SLC5A10: variants seen among roughly 807,000 people sequenced by gnomAD.
SLC5A10 encodes sodium/mannose cotransporter SLC5A10.
Under a neutral mutation model 68.9 loss-of-function variants are expected in SLC5A10, and 55 were observed. The ratio of observed to expected loss-of-function variants is 0.80; its 90% CI spans 0.64 to 1.00. SLC5A10 has a LOEUF of 1.00. SLC5A10 is among the 50% of genes least tolerant of loss of function. The pLI, the probability that SLC5A10 is intolerant of heterozygous loss-of-function variation, is 0.00. For missense variants in SLC5A10, 732 were observed against 819.3 expected, an observed-to-expected ratio of 0.89 and a Z score of 1.30; for synonymous variants, 344 against 344.8, an observed-to-expected ratio of 1.00 and a Z score of 0.02.
chr17:19,020,861 T>C lies in SLC5A10; in HGVS notation c.*430T>C. On this transcript the variant is annotated 3_prime_UTR_variant, in exon 15 of 15. Transcript: ENST00000395645. ...GACTGCAGCCACCTCCAAGGGCTCC[T>C]CCCTCCACCCACCGGCTCCCAAATG... The C allele has an allele frequency of 6.0e-6, 1 of 166,924 alleles. No homozygotes were observed. The highest frequency in any genetic ancestry group is 1.3e-5 in the Non-Finnish European group (1 of 76,312). The allele number at this position is 166,924 out of a possible 1,614,324, so 10.3% of individuals were successfully genotyped here. A position where few individuals can be genotyped will look rare whatever the true frequency, so the allele number is the denominator to read the frequency against.
chr17:19,015,403 G>C, intron 11 of SLC5A10, among the ~76,000 whole-genome samples: 1 of 152,078 alleles, frequency 6.6e-6, no homozygotes. Flanking sequence ...CCCTCATCTG[G>C]GATGCATCTC....
intron 1 of SLC5A10, among the ~76,000 whole-genome samples, chr17:18,956,465 G>GTTTTTTGT (rs2042504005): frequency 1.0e-5 from 1 of 98,010 alleles, no homozygotes; most frequent in Non-Finnish European, 2.0e-5. Flanking sequence ...TTTTCTTTCT[G>GTTTTTTGT]TTTTTTTTTT....
In SLC5A10 at chr17:19,019,601, G is replaced by T. The variant is rs753196215; in HGVS notation, c.1410+10G>T. ...ACGTGCCAACGAGCAGGTGGGCGTCGGCGGTCTGCTCTCCCTGGGGACGTG... is the reference window on the plus strand; with the variant it reads ...ACGTGCCAACGAGCAGGTGGGCGTCTGCGGTCTGCTCTCCCTGGGGACGTG... On this transcript the variant is annotated intron_variant, in intron 12 of 14. Transcript: ENST00000395645. 2 of 1,610,084 alleles carry T rather than the reference G, an allele frequency of 1.2e-6. No individual in the cohort carries two copies. Among genetic ancestry groups the T allele is most frequent in the Non-Finnish European group, 1.7e-6 (2 of 1,179,578 alleles).
At chr17:18,990,968 C>A (rs2043407201) in intron 9 of SLC5A10, among the ~76,000 whole-genome samples, 1 of 152,228 alleles carries the variant, frequency 6.6e-6, no homozygotes, top group Non-Finnish European at 1.5e-5. Context: ...AGAGCACCTT[C>A]TGCACAAGAG....
rs748003428 is a variant in SLC5A10, at chr17:18,960,556, C to A, written c.357C>A (p.Thr119=). The A allele has an allele frequency of 9.9e-6, 16 of 1,613,996 alleles. No homozygotes were observed. The highest frequency in any genetic ancestry group is 1.0e-5 in the Non-Finnish European group (12 of 1,179,976). Residue 119 remains threonine (T), a synonymous_variant, in exon 5 of 15, where the codon ACC becomes ACA. Coordinates refer to ENST00000395645, the MANE Select transcript of SLC5A10 (RefSeq NM_001042450.4). ...CCCATGTGCCTTCCCAGATCGTCAC[C>A]TTACCTGAGTACATTCAGAAGCGCT... ...VPIYISSEIV[T]LPEYIQKRYG...
chr17:18,953,656 T>C (rs1416202272), intron 1 of SLC5A10: 1 of 152,554 alleles, frequency 6.6e-6, no homozygotes, highest in Non-Finnish European at 1.5e-5. Context: ...TGGTGGCAGT[T>C]GTAGCAGTGG....
intron 11 of SLC5A10, chr17:19,019,147 T>A: frequency 2.3e-6 from 1 of 428,404 alleles, no homozygotes; most frequent in Non-Finnish European, 4.1e-6. Context: ...ATGGCGGAGC[T>A]CCAAGGGCTG....
At chr17:18,973,404 C>T (rs751675525) in intron 8 of SLC5A10, among the ~76,000 whole-genome samples, 50 of 152,350 alleles carry the variant, frequency 3.3e-4, no homozygotes, top group Middle Eastern at 3.4e-3. Context: ...CTGCTGACCC[C>T]AGGTGGTTCA....
Position 18,971,750 on chromosome 17 carries a change from T to C in SLC5A10, c.846+532T>C. The C allele has an allele frequency of 6.4e-7, 1 of 1,556,496 alleles. No individual in the cohort carries two copies. Among genetic ancestry groups the C allele is most frequent in the Non-Finnish European group, 8.7e-7 (1 of 1,149,420 alleles). On this transcript the variant is annotated intron_variant, in intron 8 of 14. Coordinates refer to ENST00000395645, the MANE Select transcript of SLC5A10 (RefSeq NM_001042450.4). The surrounding 1 kb of genome is among the most constrained non-coding windows in gnomAD (Gnocchi z 5.5). ...CCTGTGATGATGAAACTGCTGGCCC[T>C]GGGAGAGAGAGAGCAGAGAGTGAGG...
In SLC5A10 at chr17:19,018,513, G is replaced by A. The variant is rs936207027; in HGVS notation, c.1242-910G>A. 2.0e-5 allele frequency: 3 copies of A among 152,342 alleles called. No individual in the cohort carries two copies. Among genetic ancestry groups the A allele is most frequent in the African/African-American group, 7.2e-5 (3 of 41,452 alleles). 9.4% of individuals were successfully genotyped at this position (152,342 alleles called of 1,614,324 possible). On this transcript the variant is annotated intron_variant, in intron 11 of 14. Transcript: ENST00000395645. This position sits in a 1 kb window ranked among gnomAD's most constrained non-coding sequence, Gnocchi z 4.2. ...ACTCTGAGTGCTGGGCAGGCACCAG[G>A]TCCCACTCATCGCCGAGTTGGGGAT...
chr17:18,967,108 A>G (rs534582499), intron 5 of SLC5A10, among the ~76,000 whole-genome samples: 1 of 152,310 alleles, frequency 6.6e-6, no homozygotes, highest in East Asian at 1.9e-4. Context: ...GGCTGCAGGA[A>G]GGGTCGGATA....
chr17:19,015,877 C>T (rs894795691), intron 11 of SLC5A10, among the ~76,000 whole-genome samples: 1 of 152,190 alleles, frequency 6.6e-6, no homozygotes, highest in Non-Finnish European at 1.5e-5. Context: ...AGGACCGGGG[C>T]TGTGTCTGGA....
rs1485347402 is a variant in SLC5A10 at position 19,017,234 on chromosome 17, C to T, written c.1241+2035C>T. ...GCCAGCTGGATAGAGCAGAAAGGGC[C>T]CCGTGCCAGGTGTCAGGCTGGCCAG... is the stretch of plus-strand genomic sequence containing the variant. On this transcript the variant is annotated intron_variant, in intron 11 of 14. Coordinates refer to ENST00000395645, the MANE Select transcript of SLC5A10 (RefSeq NM_001042450.4). This position sits in a 1 kb window ranked among gnomAD's most constrained non-coding sequence, Gnocchi z 5.6. 6 of 1,501,354 alleles carry T rather than the reference C, an allele frequency of 4.0e-6. No individual in the cohort carries two copies. The highest frequency in any genetic ancestry group is 5.4e-6 in the Non-Finnish European group (6 of 1,102,022). The allele number at this position is 1,501,354 out of a possible 1,614,324, so 93.0% of individuals were successfully genotyped here.
chr17:19,015,736 C>T (rs2044126412), intron 11 of SLC5A10, among the ~76,000 whole-genome samples: 1 of 152,222 alleles, frequency 6.6e-6, no homozygotes, highest in Non-Finnish European at 1.5e-5. Flanking sequence ...CTGAGACCCT[C>T]AACCAAGGAA....
intron 10 of SLC5A10, among the ~76,000 whole-genome samples, 197 bp from the exon 11 acceptor site, chr17:19,014,852 T>C (rs890622642): frequency 3.9e-5 from 6 of 152,132 alleles, no homozygotes; most frequent in Non-Finnish European, 8.8e-5. Context: ...TCCCCACGGT[T>C]TGTCCTTGGC....
chr17:18,966,003 G>C (rs545453969), intron 5 of SLC5A10, among the ~76,000 whole-genome samples: 1 of 152,350 alleles, frequency 6.6e-6, no homozygotes, highest in East Asian at 1.9e-4. Context: ...AGACCTGAAA[G>C]ACATCAGGGC....
intron 10 of SLC5A10, among the ~76,000 whole-genome samples, chr17:19,013,824 C>T (rs2044073797): frequency 6.6e-6 from 1 of 151,970 alleles, no homozygotes; most frequent in Non-Finnish European, 1.5e-5. Flanking sequence ...ACTCGCTAAG[C>T]CCTCCAGGGC....
At chr17:19,009,112 CAGTCTCAG>C (rs1050448517) in intron 9 of SLC5A10, among the ~76,000 whole-genome samples, 8 of 151,974 alleles carry the variant, frequency 5.3e-5, no homozygotes, top group African/African-American at 1.9e-4. Flanking sequence ...CGTTCCTGGC[CAGTCTCAG>C]AGATCTTAAT....
At chr17:18,991,460 G>A (rs2043422583) in intron 9 of SLC5A10, among the ~76,000 whole-genome samples, 2 of 152,208 alleles carry the variant, frequency 1.3e-5, no homozygotes, top group Admixed American at 1.3e-4. Context: ...GTAGCCCCAA[G>A]CCCACACGTC....
Sources: allele counts gnomAD v4.1 joint callset (sites outside exome capture counted in the v4.1 genomes callset), GRCh38; gene constraint gnomAD v4.1.1; non-coding constraint Gnocchi (gnomAD v3.1); transcripts MANE v1.5; gene names NCBI Gene and HGNC (gene_info 2026-07-23, HGNC 2026-07-21).